ST6GALNAC5: variants seen among roughly 807,000 people sequenced by gnomAD.
ST6GALNAC5 encodes the protein alpha-N-acetylgalactosaminide alpha-2,6-sialyltransferase 5.
In ST6GALNAC5, 27 loss-of-function variants were observed where a neutral mutation model predicts 33.6. That is an observed-to-expected ratio of 0.80 (90% confidence interval 0.59 to 1.11). The LOEUF (loss-of-function observed/expected upper bound fraction) is 1.11. Ranked by LOEUF, ST6GALNAC5 falls within the 50% of genes least tolerant of loss-of-function variation. The pLI, the probability that ST6GALNAC5 is intolerant of heterozygous loss-of-function variation, is 0.00. For synonymous variants in ST6GALNAC5, 194 were observed against 171.2 expected, an observed-to-expected ratio of 1.13 and a Z score of -1.04; for missense variants, 428 against 454.0, an observed-to-expected ratio of 0.94 and a Z score of 0.52.
At chr1:76,952,054 A>T (rs1278062932) in intron 2 of ST6GALNAC5, among the ~76,000 whole-genome samples, 1 of 152,156 alleles carries the variant, frequency 6.6e-6, no homozygotes, top group Non-Finnish European at 1.5e-5. Flanking sequence ...GCTGCTCATG[A>T]TGTAATGTCT....
intron 2 of ST6GALNAC5, among the ~76,000 whole-genome samples, chr1:76,982,895 C>T (rs189408137): frequency 6.6e-6 from 1 of 152,102 alleles, no homozygotes; most frequent in Non-Finnish European, 1.5e-5. Context: ...ACCCAGATTT[C>T]ATATCCAGCC....
chr1:77,035,012 C>G (rs1397392050), intron 2 of ST6GALNAC5, among the ~76,000 whole-genome samples: 1 of 152,132 alleles, frequency 6.6e-6, no homozygotes, highest in African/African-American at 2.4e-5. Context: ...AGGATGCTGG[C>G]CCAGCCCAGT....
chr1:76,909,252 A>G (rs1169449342), intron 2 of ST6GALNAC5, among the ~76,000 whole-genome samples: 4 of 152,168 alleles, frequency 2.6e-5, no homozygotes, highest in Non-Finnish European at 4.4e-5. Context: ...AAATGTTTAT[A>G]TAAATGCTTA....
At chr1:76,976,247 A>T (rs2100373416) in intron 2 of ST6GALNAC5, among the ~76,000 whole-genome samples, 1 of 152,302 alleles carries the variant, frequency 6.6e-6, no homozygotes, top group African/African-American at 2.4e-5. Context: ...ATAATAATTC[A>T]TGGAGTTTTA....
chr1:76,933,326 TGGTGCTATTCTA>T (rs1647163352), intron 2 of ST6GALNAC5, among the ~76,000 whole-genome samples: 1 of 152,066 alleles, frequency 6.6e-6, no homozygotes, highest in Non-Finnish European at 1.5e-5. Context: ...GCTATCTGCC[TGGTGCTATTCTA>T]GGCTCCAGAT....
intron 2 of ST6GALNAC5, among the ~76,000 whole-genome samples, chr1:76,872,069 A>ACACG (rs1653518495): frequency 7.5e-5 from 1 of 13,314 alleles, no homozygotes; most frequent in Non-Finnish European, 1.5e-4. Flanking sequence ...AACCAAGCTA[A>ACACG]CACACACACA....
At chr1:76,963,376 A>G (rs989298161) in intron 2 of ST6GALNAC5, among the ~76,000 whole-genome samples, 3 of 152,230 alleles carry the variant, frequency 2.0e-5, no homozygotes, top group Non-Finnish European at 4.4e-5. Flanking sequence ...CAGCAGATAC[A>G]GTTCTGCCTG....
chr1:77,050,166 A>G, intron 3 of ST6GALNAC5, 92 bp from the exon 4 acceptor site: 1 of 1,020,894 alleles, frequency 9.8e-7, no homozygotes, highest in Non-Finnish European at 1.5e-6. Context: ...ACTCTTGTTT[A>G]TAGTTAGCCT....
chr1:76,897,483 A>C (rs1240302330), intron 2 of ST6GALNAC5, among the ~76,000 whole-genome samples: 1 of 152,160 alleles, frequency 6.6e-6, no homozygotes, highest in Non-Finnish European at 1.5e-5. Flanking sequence ...AACAGGCTTT[A>C]ACCCTTTCAA....
chr1:77,021,081 G>T (rs543128408), intron 2 of ST6GALNAC5, among the ~76,000 whole-genome samples: 1 of 152,202 alleles, frequency 6.6e-6, no homozygotes, highest in African/African-American at 2.4e-5. Context: ...AGACACTAAG[G>T]TGAGCCCATA....
At position 77,011,627 on chromosome 1, in the gene ST6GALNAC5, T is replaced by C. The variant is rs947900172; in HGVS notation, c.262-32577T>C. 5.9e-5 allele frequency among the ~76,000 whole-genome samples: 9 copies of C among 152,276 alleles called. No individual in the cohort carries two copies. The East Asian group carries it at 1.5e-3, about 26-fold the overall frequency. On this transcript the variant is annotated intron_variant, in intron 2 of 4. Coordinates refer to ENST00000477717, the MANE Select transcript of ST6GALNAC5 (RefSeq NM_030965.3). ...TGATATTTGATATTCATTTTGTATA[T>C]AAAATAATTTTGTTTTTATATTTTG...
At chr1:76,893,237 G>T in intron 2 of ST6GALNAC5, among the ~76,000 whole-genome samples, 1 of 152,128 alleles carries the variant, frequency 6.6e-6, no homozygotes, top group Middle Eastern at 3.2e-3. Context: ...GAAAGAGGAA[G>T]GGTGTGCAGG....
chr1:76,943,623 C>T lies in ST6GALNAC5; in HGVS notation c.261+74881C>T, dbSNP rs534314822. 2.6e-5 allele frequency among the ~76,000 whole-genome samples: 4 copies of T among 152,212 alleles called. No homozygotes were observed. In the East Asian group the frequency reaches 5.8e-4, roughly 22 times the overall value. On this transcript the variant is annotated intron_variant, in intron 2 of 4. Transcript: ENST00000477717. ...AGGATGAGACCCCACTGACTGACTT[C>T]GACCACAGAACATGCAACCTTTGAA...
At chr1:76,924,790 C>T (rs950463448) in intron 2 of ST6GALNAC5, among the ~76,000 whole-genome samples, 3 of 152,080 alleles carry the variant, frequency 2.0e-5, no homozygotes, top group South Asian at 4.1e-4. Flanking sequence ...TAGTCCTTTG[C>T]GTCCAAACAT....
chr1:76,990,524 C>T (rs1003237724), intron 2 of ST6GALNAC5, among the ~76,000 whole-genome samples: 1 of 152,056 alleles, frequency 6.6e-6, no homozygotes, highest in Admixed American at 6.6e-5. Context: ...AGTAGAAATG[C>T]CTCAGAGGAA....
chr1:77,021,422 T>C (rs1347283610), intron 2 of ST6GALNAC5, among the ~76,000 whole-genome samples: 1 of 152,158 alleles, frequency 6.6e-6, no homozygotes, highest in Admixed American at 6.5e-5. Flanking sequence ...TCCCAAATAG[T>C]ACAGGTAAGA....
chr1:76,924,821 T>A (rs1450974927), intron 2 of ST6GALNAC5, among the ~76,000 whole-genome samples: 1 of 152,144 alleles, frequency 6.6e-6, no homozygotes, highest in Non-Finnish European at 1.5e-5. Context: ...TACAGACCCA[T>A]GAGCAGCAAT....
chr1:77,043,364 ATTGGAG>A (rs1467091336), intron 2 of ST6GALNAC5, among the ~76,000 whole-genome samples: 1 of 152,232 alleles, frequency 6.6e-6, no homozygotes, highest in Non-Finnish European at 1.5e-5. Flanking sequence ...GAGTGCTGCC[ATTGGAG>A]TTGTCTTTGG....
At chr1:76,888,205 G>A (rs553727862) in intron 2 of ST6GALNAC5, among the ~76,000 whole-genome samples, 46 of 151,972 alleles carry the variant, frequency 3.0e-4, no homozygotes, top group Non-Finnish European at 6.3e-4. Flanking sequence ...TTAAAGCAGC[G>A]CTTCTCAAAC....
Sources: allele counts gnomAD v4.1 joint callset (sites outside exome capture counted in the v4.1 genomes callset), GRCh38; gene constraint gnomAD v4.1.1; transcripts MANE v1.5; gene names NCBI Gene and HGNC (gene_info 2026-07-23, HGNC 2026-07-21).